B3GALT1: variants seen among roughly 807,000 people sequenced by gnomAD.
The protein encoded by B3GALT1 is beta-1,3-galactosyltransferase 1.
In B3GALT1, 10 loss-of-function variants were observed where a neutral mutation model predicts 23.2. The ratio of observed to expected loss-of-function variants is 0.43; its 90% CI spans 0.27 to 0.73. The LOEUF is 0.73. Among genes scored for constraint, B3GALT1 ranks in the 30% least tolerant of loss-of-function variants. B3GALT1 has a pLI of 0.21. For synonymous variants in B3GALT1, 156 were observed against 141.5 expected (o/e 1.10, Z -0.73); for missense variants, 299 against 405.4 (o/e 0.74, Z 2.25).
At chr2:167,492,877 ATGTG>A (rs61117741) in intron 2 of B3GALT1, among the ~76,000 whole-genome samples, 19 of 149,194 alleles carry the variant, frequency 1.3e-4, no homozygotes, top group South Asian at 8.5e-4. Flanking sequence ...GTATTTAGAG[ATGTG>A]TGTGTGTGTG....
intron 2 of B3GALT1, among the ~76,000 whole-genome samples, chr2:167,562,058 T>A (rs1255687608): frequency 1.3e-5 from 2 of 152,202 alleles, no homozygotes; most frequent in Non-Finnish European, 2.9e-5. Flanking sequence ...AAATCCTCAA[T>A]AAAATACTGG....
Position 167,869,462 on chromosome 2 carries a change from C to T in B3GALT1, c.423C>T (p.Ile141=), listed in dbSNP as rs962585020. 3 of 1,613,932 alleles carry T rather than the reference C, an allele frequency of 1.9e-6. No homozygotes were observed. The highest frequency in any genetic ancestry group is 2.2e-5 in the South Asian group (2 of 91,072). ...EQESQIFHDI[I]VEDFIDSYHN... is the part of the protein sequence containing the mutation. ...AGAGCCAAATCTTCCATGATATCAT[C>T]GTGGAGGACTTTATTGACTCCTACC... is the stretch of plus-strand genomic sequence containing the variant. The change falls in exon 5 of 5, where the codon ATC becomes ATT. Residue 141 remains isoleucine (I), a synonymous_variant. Transcript: ENST00000392690. The surrounding 1 kb of genome is among the most constrained non-coding windows in gnomAD (Gnocchi z 6.4).
At chr2:167,735,303 G>A (rs1687475002) in intron 3 of B3GALT1, among the ~76,000 whole-genome samples, 1 of 152,108 alleles carries the variant, frequency 6.6e-6, no homozygotes, top group South Asian at 2.1e-4. Context: ...TAAATTCTGG[G>A]GGCCATTCTT....
chr2:167,420,117 C>T (rs1034119105), intron 1 of B3GALT1, among the ~76,000 whole-genome samples: 4 of 151,862 alleles, frequency 2.6e-5, no homozygotes, highest in Admixed American at 6.6e-5. Flanking sequence ...GTTCATTTTG[C>T]GGCAGTCCAG....
intron 1 of B3GALT1, among the ~76,000 whole-genome samples, chr2:167,351,302 C>T (rs961310695): frequency 2.7e-5 from 4 of 150,834 alleles, no homozygotes; most frequent in Non-Finnish European, 5.9e-5. Flanking sequence ...AAAAAAACCA[C>T]ACACAAAAAC....
At chr2:167,804,262 T>C (rs1395436384) in intron 3 of B3GALT1, among the ~76,000 whole-genome samples, 1 of 152,184 alleles carries the variant, frequency 6.6e-6, no homozygotes, top group Non-Finnish European at 1.5e-5. Context: ...AGTGCTGGGA[T>C]TACAGGCATG....
intron 2 of B3GALT1, among the ~76,000 whole-genome samples, chr2:167,579,442 TTTTTTC>T (rs1315941517): frequency 8.9e-5 from 13 of 146,568 alleles, no homozygotes; most frequent in African/African-American, 3.1e-4. Context: ...CTTTTTTTTT[TTTTTTC>T]CATTTAAATT....
At chr2:167,487,137 T>C (rs1699639773) in intron 1 of B3GALT1, among the ~76,000 whole-genome samples, 1 of 152,232 alleles carries the variant, frequency 6.6e-6, no homozygotes, top group Admixed American at 6.5e-5. Context: ...AGGATTCAAA[T>C]CTGACCATGT....
chr2:167,678,698 T>C (rs1458589613), intron 3 of B3GALT1, among the ~76,000 whole-genome samples: 4 of 152,214 alleles, frequency 2.6e-5, no homozygotes, highest in African/African-American at 9.6e-5. Flanking sequence ...TACCTTCTTA[T>C]AAACTGATAA....
At chr2:167,317,444 G>A (rs553600291) in intron 1 of B3GALT1, among the ~76,000 whole-genome samples, 15 of 152,154 alleles carry the variant, frequency 9.9e-5, no homozygotes, top group African/African-American at 2.9e-4. Flanking sequence ...GGTAATTTCC[G>A]AAAACACTTA....
intron 3 of B3GALT1, among the ~76,000 whole-genome samples, chr2:167,733,175 A>G (rs919603733): frequency 2.0e-5 from 3 of 152,130 alleles, no homozygotes; most frequent in Non-Finnish European, 4.4e-5. Context: ...AGGCAGGGAC[A>G]TGAGGGGAAC....
At chr2:167,541,845 C>T (rs541002324) in intron 2 of B3GALT1, among the ~76,000 whole-genome samples, 76 of 152,110 alleles carry the variant, frequency 5.0e-4, no homozygotes, top group Non-Finnish European at 9.0e-4. Flanking sequence ...TGAACATGAC[C>T]CATTCCCATG....
At chr2:167,701,141 G>C (rs16854072) in intron 3 of B3GALT1, among the ~76,000 whole-genome samples, 3,508 of 152,312 alleles carry the variant, frequency 0.023, 127 homozygotes, top group African/African-American at 0.08. Flanking sequence ...TCACTCAGCA[G>C]CTTGGCAAGA....
At chr2:167,347,130 C>T (rs1303517163) in intron 1 of B3GALT1, among the ~76,000 whole-genome samples, 2 of 152,066 alleles carry the variant, frequency 1.3e-5, no homozygotes, top group Non-Finnish European at 1.5e-5. Context: ...AATAATTGTT[C>T]TAATCTTATG....
At chr2:167,736,532 G>A (rs751082332) in intron 3 of B3GALT1, among the ~76,000 whole-genome samples, 17 of 152,024 alleles carry the variant, frequency 1.1e-4, no homozygotes, top group Non-Finnish European at 2.5e-4. Context: ...GATTGCTATT[G>A]AACTGTACTA....
intron 1 of B3GALT1, among the ~76,000 whole-genome samples, chr2:167,400,134 C>T (rs896815843): frequency 1.3e-5 from 2 of 148,506 alleles, no homozygotes; most frequent in Non-Finnish European, 3.0e-5. Flanking sequence ...TTTTCTCTTT[C>T]TTCTTGGAGT....
At chr2:167,630,379 T>C (rs1030163263) in intron 2 of B3GALT1, among the ~76,000 whole-genome samples, 11 of 151,732 alleles carry the variant, frequency 7.2e-5, no homozygotes, top group African/African-American at 2.7e-4. Flanking sequence ...AAACTTGACA[T>C]CCAGATTCAA....
intron 2 of B3GALT1, among the ~76,000 whole-genome samples, chr2:167,491,955 A>G (rs576539342): frequency 2.6e-5 from 4 of 152,370 alleles, no homozygotes; most frequent in Admixed American, 6.5e-5. Flanking sequence ...CATTTGTTAC[A>G]AGTGATGACT....
chr2:167,389,225 G>C (rs991721909), intron 1 of B3GALT1, among the ~76,000 whole-genome samples: 1 of 152,156 alleles, frequency 6.6e-6, no homozygotes, highest in African/African-American at 2.4e-5. Context: ...AGAAGTGTTG[G>C]ATAAAAGATT....
Sources: gnomAD v4.1 joint callset for allele counts (sites outside exome capture counted in the v4.1 genomes callset) on GRCh38, gnomAD v4.1.1 for gene constraint, Gnocchi (gnomAD v3.1) non-coding constraint, MANE v1.5 for transcripts, NCBI Gene and HGNC (gene_info 2026-07-23, HGNC 2026-07-21) for gene names.